CELF2: variants seen among roughly 807,000 people sequenced by gnomAD.
CELF2 encodes CUGBP Elav-like family member 2, also known as CUG triplet repeat RNA-binding protein 2.
CELF2 carries 8 observed loss-of-function variants against 62.6 expected under a neutral mutation model. The observed-to-expected ratio is 0.13, with a 90% CI of 0.07 to 0.23. CELF2 has a LOEUF of 0.23. Ranked by LOEUF, CELF2 falls within the 10% of genes least tolerant of loss-of-function variation. The probability of loss-of-function intolerance (pLI) is 1.00; values close to 1 mark genes in which losing one functional copy is unlikely to be tolerated. For synonymous variants in CELF2, 258 were observed against 250.0 expected (o/e 1.03, Z -0.30); for missense variants, 333 against 671.0 (o/e 0.50, Z 5.56).
intron 1 of CELF2, among the ~76,000 whole-genome samples, chr10:11,063,838 C>G (rs898865379): frequency 6.6e-6 from 1 of 152,176 alleles, no homozygotes; most frequent in Admixed American, 6.5e-5. Context: ...TGTCTCTGCC[C>G]TATTAAGTTG....
intron 1 of CELF2, among the ~76,000 whole-genome samples, chr10:11,063,641 TACAC>T (rs1225494097): frequency 6.6e-6 from 1 of 152,244 alleles, no homozygotes; most frequent in Non-Finnish European, 1.5e-5. Flanking sequence ...TTTGAAGTGT[TACAC>T]AAATGTGGCA....
chr10:10,726,533 C>T, the CELF2 span, among the ~76,000 whole-genome samples: 1 of 152,166 alleles, frequency 6.6e-6, no homozygotes, highest in African/African-American at 2.4e-5. Context: ...CTCTCTCCCG[C>T]TTTTAGAATC....
At chr10:10,677,889 T>C in the CELF2 span, among the ~76,000 whole-genome samples, 13 of 152,308 alleles carry the variant, frequency 8.5e-5, no homozygotes, top group South Asian at 2.1e-3. Flanking sequence ...TAGGACTATA[T>C]GAACAATGGA....
the CELF2 span, among the ~76,000 whole-genome samples, chr10:10,733,040 G>A: frequency 6.6e-6 from 1 of 152,186 alleles, no homozygotes; most frequent in African/African-American, 2.4e-5. Context: ...CCTATTCCCT[G>A]GGAGTAACTG....
At position 11,328,629 on chromosome 10, in the gene CELF2, C is replaced by CAGTA. The variant is rs1289065501; in HGVS notation, c.1439-293_1439-290dup. 5.9e-5 allele frequency among the ~76,000 whole-genome samples: 9 copies of CAGTA among 152,330 alleles called. No individual in the cohort carries two copies. The highest frequency in any genetic ancestry group is 1.7e-4 in the African/African-American group (7 of 41,562). On this transcript the variant is annotated intron_variant, in intron 12 of 12. Transcript: ENST00000633077. The surrounding 1 kb of genome is among the most constrained non-coding windows in gnomAD (Gnocchi z 6.4). ...TGAAACACAATGATTTGAGCGAGTT[C>CAGTA]AGTAAGTGGAACTGAATTCAGCCAA... is the stretch of plus-strand genomic sequence containing the variant.
chr10:11,202,717 A>G lies in CELF2; in HGVS notation c.272-14708A>G, dbSNP rs142403113. ...GCTATTGATCTTCTTGTTATCGAATATAATTTAGAACTAACAGTGAGACCC... is the reference window on the plus strand; with the variant it reads ...GCTATTGATCTTCTTGTTATCGAATGTAATTTAGAACTAACAGTGAGACCC... On this transcript the variant is annotated intron_variant, in intron 2 of 12. Coordinates refer to ENST00000633077, the MANE Select transcript of CELF2 (RefSeq NM_001326342.2). 5.7e-3 allele frequency among the ~76,000 whole-genome samples: 875 copies of G among 152,362 alleles called. 10 individuals carry two copies. Among genetic ancestry groups the G allele is most frequent in the African/African-American group, 0.02 (826 of 41,584 alleles).
chr10:11,200,115 T>A (rs933932565), intron 2 of CELF2, among the ~76,000 whole-genome samples: 8 of 152,206 alleles, frequency 5.3e-5, no homozygotes, highest in African/African-American at 1.9e-4. Context: ...TTCAACTTAA[T>A]GAGAAGAGAA....
chr10:10,581,151 G>A, the CELF2 span, among the ~76,000 whole-genome samples: 1 of 152,214 alleles, frequency 6.6e-6, no homozygotes, highest in Non-Finnish European at 1.5e-5. Flanking sequence ...TGAAATATAT[G>A]TGTTGTTTAC....
chr10:11,293,807 A>T (rs10737051), intron 9 of CELF2, among the ~76,000 whole-genome samples: 150,040 of 151,070 alleles, frequency 0.99, 74,516 homozygotes, highest in Middle Eastern at 1. Context: ...GTTTTTTTTT[A>T]AATTCAGTGG....
intron 1 of CELF2, among the ~76,000 whole-genome samples, chr10:11,142,874 G>A (rs1299350016): frequency 6.6e-6 from 1 of 152,038 alleles, no homozygotes; most frequent in Non-Finnish European, 1.5e-5. Flanking sequence ...TCCCTCCACT[G>A]GGGGGACTCA....
Position 11,284,246 on chromosome 10 carries a change from G to T in CELF2, c.842-4172G>T, listed in dbSNP as rs546327292. Among the ~76,000 whole-genome samples, 13 of 14,322 alleles carry T rather than the reference G, an allele frequency of 9.1e-4. 1 individual carries two copies. Among genetic ancestry groups the T allele is most frequent in the Admixed American group, 2.1e-3 (3 of 1,454 alleles). 9.4% of individuals were successfully genotyped at this position (14,322 alleles called of 152,430 possible). ...TGGGTGGATGAGGGATGGAGGGGTG[G>T]GTGGATGATGGATGACTGTGTGGTA... On this transcript the variant is annotated intron_variant, in intron 8 of 12. Coordinates refer to ENST00000633077, the MANE Select transcript of CELF2 (RefSeq NM_001326342.2).
intron 2 of CELF2, among the ~76,000 whole-genome samples, chr10:10,961,033 GC>G (rs1472127111): frequency 2.0e-5 from 3 of 152,172 alleles, no homozygotes; most frequent in Non-Finnish European, 4.4e-5. Context: ...CATTAGCACA[GC>G]CCCCAGCTGC....
the CELF2 span, among the ~76,000 whole-genome samples, chr10:10,775,928 T>G: frequency 2.2e-3 from 331 of 152,368 alleles, 1 homozygote; most frequent in African/African-American, 7.5e-3. Flanking sequence ...CCTTATTTCC[T>G]TGGATTTCTC....
At chr10:10,919,682 C>G (rs1358625418) in intron 1 of CELF2, among the ~76,000 whole-genome samples, 1 of 152,250 alleles carries the variant, frequency 6.6e-6, no homozygotes, top group Non-Finnish European at 1.5e-5. Flanking sequence ...GGATGTTGTA[C>G]ATTTTTACAT....
the CELF2 span, among the ~76,000 whole-genome samples, chr10:10,565,130 G>A: frequency 5.3e-5 from 8 of 152,268 alleles, no homozygotes; most frequent in East Asian, 7.7e-4. Flanking sequence ...TTTCTCACTC[G>A]GGTTCGAGAG....
intron 2 of CELF2, among the ~76,000 whole-genome samples, chr10:11,196,982 AAAG>A (rs2057717542): frequency 3.6e-5 from 1 of 27,720 alleles, no homozygotes. Flanking sequence ...AGAAAGAGAG[AAAG>A]AAAGAAAGGA....
At chr10:10,652,346 C>A in the CELF2 span, among the ~76,000 whole-genome samples, 1 of 123,924 alleles carries the variant, frequency 8.1e-6, no homozygotes, top group African/African-American at 3.0e-5. Context: ...GGCAGGCCAA[C>A]GTTCAGATTC....
chr10:10,733,081 G>A, the CELF2 span, among the ~76,000 whole-genome samples: 2 of 152,186 alleles, frequency 1.3e-5, no homozygotes, highest in Middle Eastern at 3.4e-3. Context: ...TAACATCAGG[G>A]CACAATCTAC....
chr10:10,533,254 G>A, the CELF2 span, among the ~76,000 whole-genome samples: 1 of 152,134 alleles, frequency 6.6e-6, no homozygotes, highest in East Asian at 1.9e-4. Context: ...ACCTATAAAT[G>A]TTGATTAAAC....
Sources: allele counts gnomAD v4.1 joint callset (sites outside exome capture counted in the v4.1 genomes callset), GRCh38; gene constraint gnomAD v4.1.1; non-coding constraint Gnocchi (gnomAD v3.1); transcripts MANE v1.5; gene names NCBI Gene and HGNC (gene_info 2026-07-23, HGNC 2026-07-21).